Variants in SLC23A2 observed in about 807,000 individuals in gnomAD.
SLC23A2 encodes the protein Na(+)/L-ascorbic acid transporter 2.
Under a neutral mutation model 73.3 loss-of-function variants are expected in SLC23A2, and 36 were observed. That is an observed-to-expected ratio of 0.49 (90% CI 0.38 to 0.65). The LOEUF is 0.65. Ranked by LOEUF, SLC23A2 falls within the 30% of genes least tolerant of loss-of-function variation. The pLI is 0.00. For synonymous variants in SLC23A2, 343 were observed against 327.3 expected (o/e 1.05, Z -0.52); for missense variants, 507 against 841.6 (o/e 0.60, Z 4.92).
At chr20:4,974,759 A>G (rs908461394) in intron 1 of SLC23A2, among the ~76,000 whole-genome samples, 1 of 152,172 alleles carries the variant, frequency 6.6e-6, no homozygotes, top group Non-Finnish European at 1.5e-5. Context: ...TGAAATGGGC[A>G]ATTTTGGGGG....
rs776695228 is a variant in SLC23A2 at position 4,863,008 on chromosome 20, C to T, written c.1357-101G>A. The T allele has an allele frequency of 4.7e-5, 57 of 1,220,594 alleles. No homozygotes were observed. Among genetic ancestry groups the T allele is most frequent in the Non-Finnish European group, 6.3e-5 (55 of 875,436 alleles). 75.6% of individuals were successfully genotyped at this position (1,220,594 alleles called of 1,614,324 possible). A position where few individuals can be genotyped will look rare whatever the true frequency, so the allele number is the denominator to read the frequency against. ...CAGCAGAGATACCCATGGCCTGGCT[C>T]GCTACCTTCACCTCCTCCTCAGCCC... On this transcript the variant is annotated intron_variant, in intron 13 of 16. Coordinates refer to ENST00000338244, the MANE Select transcript of SLC23A2 (RefSeq NM_005116.6). The surrounding 1 kb of genome is among the most constrained non-coding windows in gnomAD (Gnocchi z 4.8).
chr20:4,910,217 A>G (rs1385834550), intron 4 of SLC23A2, among the ~76,000 whole-genome samples: 1 of 152,012 alleles, frequency 6.6e-6, no homozygotes, highest in Non-Finnish European at 1.5e-5. Flanking sequence ...TACTAAAAAT[A>G]CAAAAAAAAA....
intron 6 of SLC23A2, 159 bp from the exon 7 acceptor site, chr20:4,886,068 C>T (rs1439256318): frequency 1.8e-6 from 1 of 551,686 alleles, no homozygotes; most frequent in Admixed American, 3.3e-5. Flanking sequence ...GTTTCCTGTG[C>T]CATGCAGCCA....
chr20:4,903,441 A>G (rs1175437626), intron 4 of SLC23A2, among the ~76,000 whole-genome samples: 1 of 152,218 alleles, frequency 6.6e-6, no homozygotes, highest in Non-Finnish European at 1.5e-5. Context: ...GAATTTCTAC[A>G]ATCATTTCTT....
At chr20:5,003,901 A>C (rs1240090643), upstream of SLC23A2, among the ~76,000 whole-genome samples, 1 of 152,110 alleles carries the variant, frequency 6.6e-6, no homozygotes, top group Non-Finnish European at 1.5e-5. Context: ...CAGTCCACTG[A>C]CTTCTCACTC....
chr20:4,890,725 TATCCATCC>T lies in SLC23A2; in HGVS notation c.483-4824_483-4817del, dbSNP rs370607100. ...TGATGACATGTTCTATCATTTACTG[TATCCATCC>T]ATCCATCCATCCATCGACCTGCTGA... On this transcript the variant is annotated intron_variant, in intron 6 of 16. Transcript: ENST00000338244. 5.5e-4 allele frequency among the ~76,000 whole-genome samples: 84 copies of T among 152,206 alleles called. 1 individual carries two copies. The East Asian group carries it at 9.1e-3, about 16-fold the overall frequency.
At chr20:4,893,670 G>A (rs1931414811) in intron 6 of SLC23A2, among the ~76,000 whole-genome samples, 2 of 152,206 alleles carry the variant, frequency 1.3e-5, no homozygotes, top group African/African-American at 4.8e-5. Context: ...AATCTGGTTA[G>A]AGGCCAGGTT....
chr20:4,887,865 G>GA (rs1931167161), intron 6 of SLC23A2, among the ~76,000 whole-genome samples: 1 of 152,172 alleles, frequency 6.6e-6, no homozygotes. Context: ...CGTTCTTAGG[G>GA]AAAGTTGCAA....
chr20:4,991,104 C>A (rs571785653), intron 1 of SLC23A2, among the ~76,000 whole-genome samples: 1 of 151,828 alleles, frequency 6.6e-6, no homozygotes, highest in East Asian at 1.9e-4. Context: ...ATTCTAAATA[C>A]CAAATATTTT....
chr20:4,900,969 T>C (rs2122870324), intron 5 of SLC23A2, among the ~76,000 whole-genome samples: 1 of 152,324 alleles, frequency 6.6e-6, no homozygotes, highest in Non-Finnish European at 1.5e-5. Context: ...GTTCAGGATG[T>C]CTCAGGGCTG....
intron 2 of SLC23A2, among the ~76,000 whole-genome samples, chr20:4,952,467 C>T (rs1043503048): frequency 6.6e-6 from 1 of 152,084 alleles, no homozygotes; most frequent in African/African-American, 2.4e-5. Context: ...ATAAGGTGCC[C>T]TTCATGTGTG....
At chr20:4,869,845 C>A in intron 12 of SLC23A2, 61 bp downstream of exon 12, 2 of 1,500,250 alleles carry the variant, frequency 1.3e-6, no homozygotes, top group Non-Finnish European at 1.8e-6. Context: ...GTAATGTAAA[C>A]CTAAGAACAA....
intron 11 of SLC23A2, among the ~76,000 whole-genome samples, chr20:4,871,606 G>A (rs546671709): frequency 6.6e-6 from 1 of 152,328 alleles, no homozygotes; most frequent in South Asian, 2.1e-4. Flanking sequence ...TGCAGAATAA[G>A]CCTGGAGTGC....
chr20:4,866,729 A>T (rs1482888949), intron 13 of SLC23A2, among the ~76,000 whole-genome samples: 1 of 152,164 alleles, frequency 6.6e-6, no homozygotes, highest in Non-Finnish European at 1.5e-5. Context: ...CAAACTTAGT[A>T]TCTGGTTTCT....
intron 1 of SLC23A2, among the ~76,000 whole-genome samples, chr20:4,996,262 G>A (rs1041630661): frequency 2.0e-5 from 3 of 152,110 alleles, no homozygotes; most frequent in Non-Finnish European, 4.4e-5. Flanking sequence ...CAACTTAGAA[G>A]ATAGAGGGAT....
chr20:4,961,102 T>TC (rs2087375495), intron 2 of SLC23A2, among the ~76,000 whole-genome samples: 1 of 150,658 alleles, frequency 6.6e-6, no homozygotes, highest in African/African-American at 2.4e-5. Flanking sequence ...TTTTTTTTTT[T>TC]CTTTTTCTTT....
rs1322606210 is a variant in SLC23A2, at chr20:4,872,107, G to A, written c.1102+1829C>T. ...CTTTCATTTAGTTTGTTACTTGACAGCAGGGTTTTTCAACCTCAGCACTGT... is the reference window on the plus strand; with the variant it reads ...CTTTCATTTAGTTTGTTACTTGACAACAGGGTTTTTCAACCTCAGCACTGT... On this transcript the variant is annotated intron_variant, in intron 11 of 16. Transcript: ENST00000338244. The surrounding 1 kb of genome is among the most constrained non-coding windows in gnomAD (Gnocchi z 4.4). 2.0e-5 allele frequency among the ~76,000 whole-genome samples: 3 copies of A among 151,912 alleles called. No homozygotes were observed. The highest frequency in any genetic ancestry group is 2.0e-4 in the Admixed American group (3 of 15,238).
At chr20:4,936,106 G>A (rs970015800) in intron 2 of SLC23A2, among the ~76,000 whole-genome samples, 3 of 152,112 alleles carry the variant, frequency 2.0e-5, no homozygotes, top group African/African-American at 7.2e-5. Flanking sequence ...TGCCAGAGTT[G>A]TCATCATGTT....
intron 7 of SLC23A2, 146 bp from the exon 8 acceptor site, chr20:4,884,969 G>A (rs1257563106): frequency 1.9e-6 from 1 of 523,818 alleles, no homozygotes; most frequent in Non-Finnish European, 3.4e-6. Flanking sequence ...CAACAGTATA[G>A]CTTATCTCAC....
Sources: gnomAD v4.1 joint callset for allele counts (sites outside exome capture counted in the v4.1 genomes callset) on GRCh38, gnomAD v4.1.1 for gene constraint, Gnocchi (gnomAD v3.1) non-coding constraint, MANE v1.5 for transcripts, NCBI Gene and HGNC (gene_info 2026-07-23, HGNC 2026-07-21) for gene names.